TRIM62: variants seen among roughly 807,000 people sequenced by gnomAD.
TRIM62 encodes the protein E3 ubiquitin-protein ligase TRIM62.
In TRIM62, 39 loss-of-function variants were observed where a neutral mutation model predicts 44.2. The ratio of observed to expected loss-of-function variants is 0.88; its 90% CI spans 0.68 to 1.15. The LOEUF (loss-of-function observed/expected upper bound fraction) is 1.15, where lower values mean the gene tolerates loss of function less well. Among genes scored for constraint, TRIM62 ranks in the 50% most tolerant of loss-of-function variants. The pLI, the probability that TRIM62 is intolerant of heterozygous loss-of-function variation, is 0.00. For synonymous variants in TRIM62, 278 were observed against 292.3 expected (o/e 0.95, Z 0.50); for missense variants, 544 against 665.5 (o/e 0.82, Z 2.01).
rs372533784 is a variant in TRIM62, at chr1:33,159,833, G to A, written c.616C>T (p.Arg206Cys). The stretch of plus-strand genomic sequence containing the variant: ...TTCTGCTCGATGTCGGTCAGCGTGC[G>A]GGCCGTGTCCGCCTCCAGCTCCTCT... ...MLEELEADTARTLTDIEQKVQ... is the reference protein window; with the variant it reads ...MLEELEADTACTLTDIEQKVQ... Residue 206 changes from arginine (R) to cysteine (C), a missense_variant, in exon 3 of 5, where the codon CGC becomes TGC. Coordinates refer to ENST00000291416, the MANE Select transcript of TRIM62 (RefSeq NM_018207.3). This position sits in a 1 kb window ranked among gnomAD's most constrained non-coding sequence, Gnocchi z 4.2. 50 of 1,613,616 alleles carry A rather than the reference G, an allele frequency of 3.1e-5. No individual in the cohort carries two copies. Among genetic ancestry groups the A allele is most frequent in the African/African-American group, 1.2e-4 (9 of 74,946 alleles).
Position 33,177,049 on chromosome 1 carries a change from ACG to A in TRIM62, c.408+3974_408+3975del, listed in dbSNP as rs1491199289. 0.13 allele frequency among the ~76,000 whole-genome samples: 9,319 copies of A among 72,088 alleles called. 545 individuals are homozygous for A. Among genetic ancestry groups the A allele is most frequent in the African/African-American group, 0.3 (5,973 of 20,070 alleles). 47.3% of individuals were successfully genotyped at this position (72,088 alleles called of 152,430 possible). ...AACACACATACACATGCACACACACACGCACACACACACACATGCACACACAC... is the reference window on the plus strand; with the variant it reads ...AACACACATACACATGCACACACACACACACACACACACATGCACACACAC... On this transcript the variant is annotated intron_variant, in intron 1 of 4. Coordinates refer to ENST00000291416, the MANE Select transcript of TRIM62 (RefSeq NM_018207.3). This position sits in a 1 kb window ranked among gnomAD's most constrained non-coding sequence, Gnocchi z 4.1.
chr1:33,162,645 C>G (rs1439810060), intron 2 of TRIM62, among the ~76,000 whole-genome samples: 2 of 152,158 alleles, frequency 1.3e-5, no homozygotes, highest in South Asian at 4.1e-4. Flanking sequence ...CAGCTTCTTT[C>G]CAGGCTGGGG....
At chr1:33,171,914 T>C (rs1645377568) in intron 1 of TRIM62, among the ~76,000 whole-genome samples, 1 of 152,166 alleles carries the variant, frequency 6.6e-6, no homozygotes, top group Non-Finnish European at 1.5e-5. Context: ...CCTGAGTAGC[T>C]GGGATTATAG....
At position 33,161,205 on chromosome 1, in the gene TRIM62, G is replaced by A. The variant is rs1395778402; in HGVS notation, c.505-1261C>T. Among the ~76,000 whole-genome samples, 2 of 152,228 alleles carry A rather than the reference G, an allele frequency of 1.3e-5. No homozygotes were observed. Among genetic ancestry groups the A allele is most frequent in the African/African-American group, 4.8e-5 (2 of 41,456 alleles). The stretch of plus-strand genomic sequence containing the variant: ...ATTGAAGACTGCAATTCTAATAAGC[G>A]TTTCCCGGAAGTCTTCATTGAGAGA... On this transcript the variant is annotated intron_variant, in intron 2 of 4. Coordinates refer to ENST00000291416, the MANE Select transcript of TRIM62 (RefSeq NM_018207.3). The surrounding 1 kb of genome is among the most constrained non-coding windows in gnomAD (Gnocchi z 4.3).
At chr1:33,180,999 T>A in intron 1 of TRIM62, 26 bp downstream of exon 1, 1 of 563,320 alleles carries the variant, frequency 1.8e-6, no homozygotes, top group Non-Finnish European at 2.2e-6. Flanking sequence ...GCCCCGCCCC[T>A]TCCCCAGGCA....
At chr1:33,156,087 GA>G (rs1645174707) in intron 4 of TRIM62, among the ~76,000 whole-genome samples, 1 of 152,204 alleles carries the variant, frequency 6.6e-6, no homozygotes, top group Admixed American at 6.5e-5. Flanking sequence ...GCTCCCAGCA[GA>G]AGCTGGCTCT....
chr1:33,162,615 G>A (rs565139713), intron 2 of TRIM62, among the ~76,000 whole-genome samples: 4 of 152,290 alleles, frequency 2.6e-5, no homozygotes, highest in East Asian at 1.9e-4. Flanking sequence ...AGATTGCTCC[G>A]TAGAGCTGGG....
chr1:33,165,300 G>A lies in TRIM62; in HGVS notation c.504+171C>T, dbSNP rs1013450433. On this transcript the variant is annotated intron_variant, in intron 2 of 4. Coordinates refer to ENST00000291416, the MANE Select transcript of TRIM62 (RefSeq NM_018207.3). The surrounding 1 kb of genome is among the most constrained non-coding windows in gnomAD (Gnocchi z 4.0). ...TGGGTGCCGCCCCATTGAACTTCAC[G>A]GATGCCCTACCCTCTTCCCCACCCT... 17 of 558,436 alleles carry A rather than the reference G, an allele frequency of 3.0e-5. No homozygotes were observed. The highest frequency in any genetic ancestry group is 2.7e-4 in the African/African-American group (14 of 51,606). The allele number at this position is 558,436 out of a possible 1,614,324, so 34.6% of individuals were successfully genotyped here.
chr1:33,173,708 A>AT (rs1645392589), intron 1 of TRIM62, among the ~76,000 whole-genome samples: 3 of 149,542 alleles, frequency 2.0e-5, no homozygotes, highest in African/African-American at 7.4e-5. Context: ...ATTAAAAAAA[A>AT]TTTTTTTAGA....
In TRIM62 at chr1:33,146,999, G is replaced by C. The variant is rs894078319; in HGVS notation, c.*178C>G. On this transcript the variant is annotated 3_prime_UTR_variant, in exon 5 of 5. Transcript: ENST00000291416. ...GAGCTACAGAACATCGATGCTGGAAGAGAGTTTAGGAAGTAGGGAATGCAA... is the reference window on the plus strand; with the variant it reads ...GAGCTACAGAACATCGATGCTGGAACAGAGTTTAGGAAGTAGGGAATGCAA... The C allele has an allele frequency of 4.7e-6, 3 of 638,564 alleles. No individual in the cohort carries two copies. Among genetic ancestry groups the C allele is most frequent in the Admixed American group, 5.9e-5 (2 of 34,060 alleles). The allele number at this position is 638,564 out of a possible 1,614,324, so 39.6% of individuals were successfully genotyped here.
At position 33,174,981 on chromosome 1, in the gene TRIM62, A is replaced by C. The variant is rs549782460; in HGVS notation, c.408+6044T>G. Among the ~76,000 whole-genome samples the C allele has an allele frequency of 2.4e-4, 29 of 120,298 alleles. No individual in the cohort carries two copies. In the South Asian group the frequency reaches 7.8e-3, roughly 32 times the overall value. The allele number at this position is 120,298 out of a possible 152,430, so 78.9% of individuals were successfully genotyped here. Reference sequence around the variant, plus strand: ...TATATATATATATACACACATATACATATATATGCACACACACATGTATGT... The same window carrying C: ...TATATATATATATACACACATATACCTATATATGCACACACACATGTATGT... On this transcript the variant is annotated intron_variant, in intron 1 of 4. Transcript: ENST00000291416.
Position 33,165,402 on chromosome 1 carries a change from C to A in TRIM62, c.504+69G>T. The stretch of plus-strand genomic sequence containing the variant: ...CCGAGGCCCCGCCCCTCTTCCCCAG[C>A]TGGCCCCGCCCCTCGAAGCCCTGCC... On this transcript the variant is annotated intron_variant, in intron 2 of 4. Transcript: ENST00000291416. This position sits in a 1 kb window ranked among gnomAD's most constrained non-coding sequence, Gnocchi z 4.0. 7.1e-7 allele frequency: 1 copy of A among 1,409,760 alleles called. No homozygotes were observed. Among genetic ancestry groups the A allele is most frequent in the Non-Finnish European group, 9.6e-7 (1 of 1,041,662 alleles). 87.3% of individuals were successfully genotyped at this position (1,409,760 alleles called of 1,614,324 possible).
intron 4 of TRIM62, among the ~76,000 whole-genome samples, chr1:33,149,800 T>TCTCGTTCTGTCCTCGTTC (rs1240272881): frequency 1.3e-5 from 2 of 152,160 alleles, no homozygotes; most frequent in African/African-American, 4.8e-5. Context: ...GCGTGGGGTA[T>TCTCGTTCTGTCCTCGTTC]TATCTTCTGT....
intron 1 of TRIM62, among the ~76,000 whole-genome samples, chr1:33,168,665 G>C (rs12731268): frequency 2.0e-5 from 3 of 152,216 alleles, no homozygotes; most frequent in Non-Finnish European, 4.4e-5. Context: ...CCTAACATTC[G>C]TGTGCAGCTT....
At chr1:33,153,361 T>C (rs1402486720) in intron 4 of TRIM62, among the ~76,000 whole-genome samples, 2 of 152,332 alleles carry the variant, frequency 1.3e-5, no homozygotes, top group East Asian at 3.9e-4. Context: ...CTCCCTCAGC[T>C]CCTCTCTGGC....
Position 33,147,883 on chromosome 1 carries a change from C to T in TRIM62, c.878-156G>A, listed in dbSNP as rs532710411. Among the ~76,000 whole-genome samples, 1 of 152,312 alleles carries T rather than the reference C, an allele frequency of 6.6e-6. No homozygotes were observed. Among genetic ancestry groups the T allele is most frequent in the East Asian group, 1.9e-4 (1 of 5,186 alleles). On this transcript the variant is annotated intron_variant, in intron 4 of 4. Transcript: ENST00000291416. The surrounding 1 kb of genome is among the most constrained non-coding windows in gnomAD (Gnocchi z 8.1). ...CAAGTCTGCCCTCTCTGGGCCTCAT[C>T]TTCCTCCTCTGTAGAATGGAAGGGT...
chr1:33,155,875 A>G (rs950373299), intron 4 of TRIM62, among the ~76,000 whole-genome samples: 19 of 152,296 alleles, frequency 1.2e-4, no homozygotes, highest in African/African-American at 3.8e-4. Context: ...TGATAAGTCT[A>G]CTAGAAACCT....
At chr1:33,171,480 GA>G (rs1160291890) in intron 1 of TRIM62, among the ~76,000 whole-genome samples, 11 of 152,228 alleles carry the variant, frequency 7.2e-5, no homozygotes, top group African/African-American at 2.6e-4. Flanking sequence ...CAGTGGCTCC[GA>G]AAATCCATGT....
chr1:33,181,260 G>A lies in TRIM62; in HGVS notation c.173C>T (p.Ala58Val), dbSNP rs1458427974. The A allele has an allele frequency of 1.9e-6, 3 of 1,547,188 alleles. No homozygotes were observed. Among genetic ancestry groups the A allele is most frequent in the Non-Finnish European group, 2.6e-6 (3 of 1,152,102 alleles). Residue 58 changes from alanine (A) to valine (V), a missense_variant, in exon 1 of 5, where the codon GCC becomes GTC. By Grantham distance (64) the Ala-to-Val change is moderately conservative. Coordinates refer to ENST00000291416, the MANE Select transcript of TRIM62 (RefSeq NM_018207.3). This position sits in a 1 kb window ranked among gnomAD's most constrained non-coding sequence, Gnocchi z 6.5. ...GAGGCTGGGCGCCAGCGCGGGCTCG[G>A]CGAACGTGCGCCGGCACTCGGGGCA... Reference protein sequence around the residue: ...RDCPECRRTFAEPALAPSLKL... With the variant: ...RDCPECRRTFVEPALAPSLKL...
Sources: gnomAD v4.1 joint callset for allele counts (sites outside exome capture counted in the v4.1 genomes callset) on GRCh38, gnomAD v4.1.1 for gene constraint, Gnocchi (gnomAD v3.1) non-coding constraint, MANE v1.5 for transcripts, NCBI Gene and HGNC (gene_info 2026-07-23, HGNC 2026-07-21) for gene names.